AKAP19: variants seen among roughly 807,000 people sequenced by gnomAD.
The protein encoded by AKAP19 is A-kinase anchoring protein 19.
chr2:190,120,092 C>G, the AKAP19 span, among the ~76,000 whole-genome samples: 3 of 152,180 alleles, frequency 2.0e-5, no homozygotes, highest in African/African-American at 7.2e-5. Context: ...TGTTAGGAAC[C>G]AGGCCACACA....
chr2:190,074,651 CA>C, the AKAP19 span, among the ~76,000 whole-genome samples: 113,697 of 146,806 alleles, frequency 0.77, 49,353 homozygotes, highest in Non-Finnish European at 0.97. Context: ...GACTTTGTCT[CA>C]AAAAAAAAAA....
At chr2:190,180,850 C>A in the AKAP19 span, 1 of 985,304 alleles carries the variant, frequency 1.0e-6, no homozygotes, top group South Asian at 4.7e-5. This position sits in a 1 kb window ranked among gnomAD's most constrained non-coding sequence, Gnocchi z 6.8. Context: ...CGCCGAAGGA[C>A]GCCCCGTCCT....
chr2:189,987,670 G>A, the AKAP19 span, among the ~76,000 whole-genome samples: 1 of 152,190 alleles, frequency 6.6e-6, no homozygotes, highest in Middle Eastern at 3.2e-3. Context: ...TAAGTAAGGG[G>A]ATTTTTCTAA....
At chr2:189,924,083 G>A in the AKAP19 span, 13 of 1,568,354 alleles carry the variant, frequency 8.3e-6, no homozygotes, top group Admixed American at 2.0e-4. Flanking sequence ...CTCTGCTGAG[G>A]AGGGGGACCT....
chr2:189,982,414 G>A, the AKAP19 span, among the ~76,000 whole-genome samples: 1 of 151,802 alleles, frequency 6.6e-6, no homozygotes. Context: ...TTTTCTGGTT[G>A]GTTTGTATTG....
At chr2:189,901,934 C>A in the AKAP19 span, among the ~76,000 whole-genome samples, 2 of 152,070 alleles carry the variant, frequency 1.3e-5, no homozygotes, top group Middle Eastern at 6.9e-3. Flanking sequence ...ATGTATGAGT[C>A]ATTAAAATGT....
the AKAP19 span, among the ~76,000 whole-genome samples, chr2:190,124,514 A>C: frequency 1.3e-4 from 20 of 152,032 alleles, no homozygotes; most frequent in African/African-American, 4.1e-4. Context: ...GCGCAAGGCC[A>C]GCCTGGGCAA....
At chr2:190,038,964 C>CTTCTTCTTCT in the AKAP19 span, among the ~76,000 whole-genome samples, 2 of 144,492 alleles carry the variant, frequency 1.4e-5, no homozygotes, top group African/African-American at 2.7e-5. Context: ...TCTTCTTCTT[C>CTTCTTCTTCT]TTCTTCTTTC....
At chr2:189,959,800 C>T in the AKAP19 span, among the ~76,000 whole-genome samples, 3 of 152,160 alleles carry the variant, frequency 2.0e-5, no homozygotes, top group Non-Finnish European at 2.9e-5. Context: ...CAAAATATTT[C>T]ATGATTCATT....
At chr2:190,121,018 G>A in the AKAP19 span, among the ~76,000 whole-genome samples, 1 of 151,450 alleles carries the variant, frequency 6.6e-6, no homozygotes, top group Non-Finnish European at 1.5e-5. Context: ...GGGAGTTCGT[G>A]TGATTATGTA....
chr2:189,915,329 G>A, the AKAP19 span, among the ~76,000 whole-genome samples: 6 of 151,968 alleles, frequency 3.9e-5, no homozygotes, highest in Non-Finnish European at 5.9e-5. Context: ...CCTATGTTAC[G>A]TTATTTATGC....
chr2:189,963,357 G>A, the AKAP19 span, among the ~76,000 whole-genome samples: 1 of 151,176 alleles, frequency 6.6e-6, no homozygotes, highest in Non-Finnish European at 1.5e-5. Flanking sequence ...ACCACACCTG[G>A]CTAATTTTTT....
At chr2:190,199,873 A>C in the AKAP19 span, 2 of 1,613,688 alleles carry the variant, frequency 1.2e-6, no homozygotes, top group Non-Finnish European at 8.5e-7. Flanking sequence ...GGGCTGCATG[A>C]AATCAAAGCA....
At chr2:190,190,280 C>T in the AKAP19 span, among the ~76,000 whole-genome samples, 1 of 152,176 alleles carries the variant, frequency 6.6e-6, no homozygotes, top group Non-Finnish European at 1.5e-5. Context: ...TTCATAGGGT[C>T]ACTATTGTCC....
the AKAP19 span, among the ~76,000 whole-genome samples, chr2:190,135,125 T>C: frequency 6.6e-6 from 1 of 152,212 alleles, no homozygotes; most frequent in Non-Finnish European, 1.5e-5. Flanking sequence ...ATTTGTTATC[T>C]ATTTCGGCAT....
chr2:190,031,240 C>G, the AKAP19 span, among the ~76,000 whole-genome samples: 1 of 152,144 alleles, frequency 6.6e-6, no homozygotes, highest in South Asian at 2.1e-4. Flanking sequence ...CACAATAGTA[C>G]AGGATGTGGA....
the AKAP19 span, among the ~76,000 whole-genome samples, chr2:190,037,637 G>A: frequency 6.6e-6 from 1 of 152,218 alleles, no homozygotes; most frequent in Non-Finnish European, 1.5e-5. Flanking sequence ...AGCCATGTTG[G>A]CTTTGCAAGA....
the AKAP19 span, among the ~76,000 whole-genome samples, chr2:189,904,675 A>G: frequency 6.6e-6 from 1 of 152,024 alleles, no homozygotes; most frequent in South Asian, 2.1e-4. Context: ...GTTAATGAAC[A>G]TCAGTCTTTA....
At chr2:189,910,933 A>C in the AKAP19 span, among the ~76,000 whole-genome samples, 2 of 152,048 alleles carry the variant, frequency 1.3e-5, no homozygotes, top group Admixed American at 6.6e-5. Flanking sequence ...GGAGAGGCAT[A>C]GTTTATTCCA....
Sources: gnomAD v4.1 joint callset for allele counts (sites outside exome capture counted in the v4.1 genomes callset) on GRCh38, gnomAD v4.1.1 for gene constraint, Gnocchi (gnomAD v3.1) non-coding constraint, MANE v1.5 for transcripts, NCBI Gene and HGNC (gene_info 2026-07-23, HGNC 2026-07-21) for gene names.